TRHDE: variants seen among roughly 807,000 people sequenced by gnomAD.
TRHDE encodes thyrotropin-releasing hormone-degrading ectoenzyme.
In TRHDE, 72 loss-of-function variants were observed where a neutral mutation model predicts 125.7. The ratio of observed to expected loss-of-function variants is 0.57; its 90% CI spans 0.47 to 0.70. TRHDE has a LOEUF of 0.70. Among genes scored for constraint, TRHDE ranks in the 30% least tolerant of loss-of-function variants. TRHDE has a pLI of 0.00. For missense variants in TRHDE, 1,110 were observed against 1,327.1 expected, an observed-to-expected ratio of 0.84 and a Z score of 2.54; for synonymous variants, 509 against 509.1, an observed-to-expected ratio of 1.00 and a Z score of 0.00.
At chr12:72,105,935 C>T (rs1209536444) in intron 2 of TRHDE, among the ~76,000 whole-genome samples, 1 of 151,946 alleles carries the variant, frequency 6.6e-6, no homozygotes, top group Non-Finnish European at 1.5e-5. Context: ...GGCAATTTTC[C>T]TACATTCATA....
rs746919231 is a variant in TRHDE at position 72,499,494 on chromosome 12, G to T, written c.1585-4G>T. The T allele has an allele frequency of 3.1e-6, 5 of 1,613,218 alleles. No homozygotes were observed. In the Admixed American group the frequency reaches 6.7e-5, roughly 22 times the overall value. The stretch of plus-strand genomic sequence containing the variant: ...ATGATATTGCCCCGTCTGCTGTATT[G>T]CAGGAAAAGCAGAGGTTTCTGACCG... On this transcript the variant is annotated splice_polypyrimidine_tract_variant and splice_region_variant and intron_variant, in intron 5 of 18. Transcript: ENST00000261180.
intron 2 of TRHDE, among the ~76,000 whole-genome samples, chr12:72,238,362 TACACATAC>T (rs1565670075): frequency 1.3e-5 from 1 of 78,480 alleles, no homozygotes; most frequent in East Asian, 3.1e-4. Flanking sequence ...TATATATATA[TACACATAC>T]ATATATATAT....
intron 12 of TRHDE, among the ~76,000 whole-genome samples, chr12:72,585,713 T>A (rs1412245294): frequency 1.3e-5 from 2 of 152,262 alleles, no homozygotes; most frequent in East Asian, 3.9e-4. Context: ...GAAAAGAAAA[T>A]GAGAGTTTTG....
chr12:72,578,426 C>T (rs1332039926), intron 12 of TRHDE, among the ~76,000 whole-genome samples: 3 of 152,104 alleles, frequency 2.0e-5, no homozygotes, highest in Non-Finnish European at 1.5e-5. Flanking sequence ...CCTCATTCCC[C>T]TTGACTGTTG....
At chr12:72,458,925 CTG>C (rs942885162) in intron 3 of TRHDE, among the ~76,000 whole-genome samples, 1 of 152,082 alleles carries the variant, frequency 6.6e-6, no homozygotes, top group Non-Finnish European at 1.5e-5. Flanking sequence ...ATGATAATAA[CTG>C]TATTAGTTCC....
intron 2 of TRHDE, chr12:72,147,665 T>C (rs993427264): frequency 2.0e-5 from 3 of 152,152 alleles, no homozygotes; most frequent in Non-Finnish European, 4.4e-5. Flanking sequence ...AAATAAAACT[T>C]CTATCAAGGC....
intron 2 of TRHDE, chr12:72,309,729 AAAAT>A (rs934491765): frequency 6.6e-6 from 1 of 150,710 alleles, no homozygotes; most frequent in Non-Finnish European, 1.5e-5. Context: ...ATGTAGCAGA[AAAAT>A]AAAAAAAAGA....
chr12:72,582,381 T>A, intron 12 of TRHDE: 1 of 985,332 alleles, frequency 1.0e-6, no homozygotes, highest in Non-Finnish European at 1.2e-6. Context: ...GGAAACAGCA[T>A]TGTTAAAATA....
intron 2 of TRHDE, among the ~76,000 whole-genome samples, chr12:72,353,249 A>T (rs989406936): frequency 2.0e-5 from 3 of 151,744 alleles, no homozygotes; most frequent in Non-Finnish European, 4.4e-5. Context: ...GTAAAACAAA[A>T]CTGAAGTGTT....
chr12:72,498,060 TA>T (rs1048220508), intron 5 of TRHDE, among the ~76,000 whole-genome samples: 2 of 152,158 alleles, frequency 1.3e-5, no homozygotes, highest in African/African-American at 4.8e-5. Context: ...CATTACCATA[TA>T]ATCCTCTTGG....
chr12:72,368,070 A>T (rs150363763), intron 2 of TRHDE, among the ~76,000 whole-genome samples: 1 of 152,208 alleles, frequency 6.6e-6, no homozygotes, highest in African/African-American at 2.4e-5. Flanking sequence ...TCACGTGATT[A>T]TATAACAACT....
chr12:72,440,654 A>G (rs571507569), intron 3 of TRHDE, among the ~76,000 whole-genome samples: 2 of 152,046 alleles, frequency 1.3e-5, no homozygotes, highest in Non-Finnish European at 2.9e-5. Context: ...ACTGAGGTAC[A>G]AAGAGATTAA....
rs1195720696 is a variant in TRHDE, at chr12:72,175,149, CTTTT to C, written n.279+69400_279+69403del. 2.6e-5 allele frequency among the ~76,000 whole-genome samples: 4 copies of C among 152,156 alleles called. No homozygotes were observed. The East Asian group carries it at 7.7e-4, about 29-fold the overall frequency. ...TTATGCTCAGTGATTAGCAATTCCC[CTTTT>C]TTGCCTGGCTGCAGTTGTTGGCAAC... On this transcript the variant is annotated intron_variant and non_coding_transcript_variant, in intron 2 of 4. Transcript: ENST00000548156.
chr12:72,541,499 T>G (rs1314380132), intron 6 of TRHDE, among the ~76,000 whole-genome samples: 1 of 151,538 alleles, frequency 6.6e-6, no homozygotes, highest in Non-Finnish European at 1.5e-5. Context: ...TATATTGATC[T>G]CATATGTTTT....
chr12:72,478,938 AAAAC>A (rs1244609073), intron 5 of TRHDE, among the ~76,000 whole-genome samples: 6 of 150,738 alleles, frequency 4.0e-5, no homozygotes, highest in African/African-American at 7.4e-5. Context: ...AAAAAAAAAA[AAAAC>A]AAAAACAGTT....
rs113903892 is a variant in TRHDE, at chr12:72,100,586, T to C, written n.175-5062T>C. On this transcript the variant is annotated intron_variant and non_coding_transcript_variant, in intron 1 of 4. Coordinates refer to the TRHDE transcript ENST00000548156. ...CATAGTTATTTATCTTCTGTGGACA[T>C]CCCTTCTACTTCCTCTGAGGGAGAA... 7.6e-3 allele frequency among the ~76,000 whole-genome samples: 1,158 copies of C among 152,334 alleles called. 19 individuals carry two copies. The highest frequency in any genetic ancestry group is 0.027 in the African/African-American group (1,117 of 41,582).
At chr12:72,544,754 A>T (rs2135990454) in intron 7 of TRHDE, among the ~76,000 whole-genome samples, 1 of 151,634 alleles carries the variant, frequency 6.6e-6, no homozygotes, top group African/African-American at 2.4e-5. Context: ...TAAACTTTTT[A>T]AAAATACATA....
intron 7 of TRHDE, among the ~76,000 whole-genome samples, chr12:72,559,468 T>C (rs1415628342): frequency 4.6e-5 from 7 of 152,190 alleles, no homozygotes; most frequent in Admixed American, 3.3e-4. Flanking sequence ...CCTCTCTCCA[T>C]AGGCAGATGT....
rs935070778 is a variant in TRHDE, at chr12:72,237,566, C to T, written n.279+131814C>T. Among the ~76,000 whole-genome samples the T allele has an allele frequency of 4.6e-5, 7 of 152,256 alleles. No individual in the cohort carries two copies. In the East Asian group the frequency reaches 5.8e-4, roughly 13 times the overall value. ...GGAAAAGGACTCGGTTTCCCCCATGCTACTGTTCTTGCATTGGTGAGGGAG... is the reference window on the plus strand; with the variant it reads ...GGAAAAGGACTCGGTTTCCCCCATGTTACTGTTCTTGCATTGGTGAGGGAG... On this transcript the variant is annotated intron_variant and non_coding_transcript_variant, in intron 2 of 4. Transcript: ENST00000548156.
Sources: allele counts gnomAD v4.1 joint callset (sites outside exome capture counted in the v4.1 genomes callset), GRCh38; gene constraint gnomAD v4.1.1; transcripts MANE v1.5; gene names NCBI Gene and HGNC (gene_info 2026-07-23, HGNC 2026-07-21).